MXI1: variants seen among roughly 807,000 people sequenced by gnomAD.
MXI1 encodes max-interacting protein 1.
In MXI1, 18 loss-of-function variants were observed where a neutral mutation model predicts 36.9. That is an observed-to-expected ratio of 0.49 (90% CI 0.34 to 0.72). The LOEUF is 0.72. Ranked by LOEUF, MXI1 falls within the 30% of genes least tolerant of loss-of-function variation. MXI1 has a pLI of 0.01. For synonymous variants in MXI1, 160 were observed against 146.7 expected (o/e 1.09, Z -0.65); for missense variants, 304 against 379.1 (o/e 0.80, Z 1.64).
chr10:110,269,695 AG>A (rs1478927268), intron 3 of MXI1, among the ~76,000 whole-genome samples: 1 of 152,216 alleles, frequency 6.6e-6, no homozygotes, highest in African/African-American at 2.4e-5. Flanking sequence ...GCCAGCACGT[AG>A]GAAGTTTGTT....
rs961902137 is a variant in MXI1, at chr10:110,210,239, G to A, written c.274+2157G>A. 1.0e-5 allele frequency: 10 copies of A among 984,874 alleles called. No homozygotes were observed. The Admixed American group carries it at 5.5e-4, about 55-fold the overall frequency. 61.0% of individuals were successfully genotyped at this position (984,874 alleles called of 1,614,324 possible). The stretch of plus-strand genomic sequence containing the variant: ...GGGGCTTCCTCCCAGCCCATCGCCC[G>A]AGGCGTCCGCCCTGCAAATCTGCCA... On this transcript the variant is annotated intron_variant, in intron 1 of 5. Transcript: ENST00000332674.
rs1857427222 is a variant in MXI1 at position 110,286,465 on chromosome 10, T to C, written c.*1478T>C. The C allele has an allele frequency of 1.4e-5, 2 of 145,946 alleles. No individual in the cohort carries two copies. Among genetic ancestry groups the C allele is most frequent in the Admixed American group, 7.0e-5 (1 of 14,240 alleles). The allele number at this position is 145,946 out of a possible 1,614,324, so 9.0% of individuals were successfully genotyped here. A position where few individuals can be genotyped will look rare whatever the true frequency, so the allele number is the denominator to read the frequency against. On this transcript the variant is annotated 3_prime_UTR_variant, in exon 6 of 6. Transcript: ENST00000332674. Reference sequence around the variant, plus strand: ...CTGGCTGTTTGGACTTTGTATACTTTAAATAATTTAACTACCCTTAATTAC... The same window carrying C: ...CTGGCTGTTTGGACTTTGTATACTTCAAATAATTTAACTACCCTTAATTAC...
chr10:110,258,662 C>T (rs1012205797), intron 3 of MXI1, among the ~76,000 whole-genome samples: 4 of 151,964 alleles, frequency 2.6e-5, no homozygotes, highest in African/African-American at 9.7e-5. Context: ...GAGATAGGCA[C>T]CTGTTAGAGT....
intron 1 of MXI1, among the ~76,000 whole-genome samples, chr10:110,211,047 G>A (rs1411097851): frequency 1.3e-5 from 2 of 151,596 alleles, no homozygotes; most frequent in Non-Finnish European, 2.9e-5. Flanking sequence ...TATTGGGGGT[G>A]GGGTTGGGTA....
chr10:110,215,338 T>G (rs1854611593), intron 1 of MXI1, among the ~76,000 whole-genome samples: 1 of 151,980 alleles, frequency 6.6e-6, no homozygotes, highest in Non-Finnish European at 1.5e-5. Flanking sequence ...CCACACTGGG[T>G]CCAGGTTTTG....
At chr10:110,253,566 A>C (rs1003158915) in intron 3 of MXI1, among the ~76,000 whole-genome samples, 12 of 152,162 alleles carry the variant, frequency 7.9e-5, no homozygotes. Context: ...GAAAGAAACA[A>C]CATTGGTTTG....
chr10:110,233,700 T>A (rs887384833), intron 2 of MXI1, among the ~76,000 whole-genome samples: 2 of 152,118 alleles, frequency 1.3e-5, no homozygotes, highest in African/African-American at 2.4e-5. Context: ...ATGTGTTTTG[T>A]GATAGTCTGT....
chr10:110,251,316 GT>G (rs1477207060), intron 3 of MXI1, among the ~76,000 whole-genome samples: 1 of 152,068 alleles, frequency 6.6e-6, no homozygotes, highest in African/African-American at 2.4e-5. Context: ...GAGAGTTACG[GT>G]TAATATCAAT....
intron 5 of MXI1, 57 bp downstream of exon 5, chr10:110,280,142 G>A: frequency 2.8e-6 from 4 of 1,453,268 alleles, no homozygotes; most frequent in Non-Finnish European, 3.7e-6. Context: ...TCTGGATTTA[G>A]GGAAGGTATG....
At chr10:110,277,619 ATTGATATACCT>A (rs1857081940) in intron 3 of MXI1, among the ~76,000 whole-genome samples, 1 of 152,224 alleles carries the variant, frequency 6.6e-6, no homozygotes, top group African/African-American at 2.4e-5. Flanking sequence ...AGGAGAATCC[ATTGATATACCT>A]TTGATTTAGG....
chr10:110,248,910 G>C (rs574609159), intron 3 of MXI1, among the ~76,000 whole-genome samples: 2 of 152,142 alleles, frequency 1.3e-5, no homozygotes, highest in Admixed American at 6.5e-5. Flanking sequence ...CTTCTGGGAA[G>C]TTACCAGTGG....
chr10:110,238,865 A>G (rs566135512), intron 2 of MXI1, among the ~76,000 whole-genome samples: 1 of 152,182 alleles, frequency 6.6e-6, no homozygotes, highest in Non-Finnish European at 1.5e-5. Context: ...TTATTGGCAT[A>G]AAGTTGTTAA....
At chr10:110,237,899 C>T (rs894211423) in intron 2 of MXI1, among the ~76,000 whole-genome samples, 1 of 152,176 alleles carries the variant, frequency 6.6e-6, no homozygotes, top group African/African-American at 2.4e-5. Context: ...GCCTCAGCCT[C>T]TCAAGTAGCT....
intron 2 of MXI1, 148 bp from the exon 3 acceptor site, chr10:110,244,680 C>T: frequency 1.7e-6 from 1 of 589,082 alleles, no homozygotes; most frequent in Non-Finnish European, 3.0e-6. Flanking sequence ...TAGACTATTT[C>T]CTCTCGATGA....
At chr10:110,226,180 G>T in intron 1 of MXI1, 4 of 1,462,062 alleles carry the variant, frequency 2.7e-6, no homozygotes, top group Non-Finnish European at 3.6e-6. Flanking sequence ...AAGGGAGTGC[G>T]GAGAGGCGCC....
chr10:110,249,814 G>A (rs1856008025), intron 3 of MXI1, among the ~76,000 whole-genome samples: 1 of 152,164 alleles, frequency 6.6e-6, no homozygotes, highest in South Asian at 2.1e-4. Context: ...AAGCTTCTCT[G>A]AGTTATGATA....
chr10:110,213,952 A>G (rs1351065987), intron 1 of MXI1, among the ~76,000 whole-genome samples: 1 of 152,256 alleles, frequency 6.6e-6, no homozygotes, highest in Non-Finnish European at 1.5e-5. Flanking sequence ...GTATGGGGCT[A>G]TGCATTCATT....
intron 1 of MXI1, among the ~76,000 whole-genome samples, chr10:110,210,059 C>T (rs926661450): frequency 2.8e-5 from 4 of 143,700 alleles, no homozygotes; most frequent in Admixed American, 2.0e-4. Flanking sequence ...CACCCCGCCG[C>T]CCTGGCCGCC....
chr10:110,231,371 C>CG (rs1374069735), intron 2 of MXI1, among the ~76,000 whole-genome samples: 3 of 149,506 alleles, frequency 2.0e-5, no homozygotes, highest in Admixed American at 1.3e-4. Flanking sequence ...CACCCCCCCC[C>CG]CCTCAAAAAA....
Sources: gnomAD v4.1 joint callset for allele counts (sites outside exome capture counted in the v4.1 genomes callset) on GRCh38, gnomAD v4.1.1 for gene constraint, MANE v1.5 for transcripts, NCBI Gene and HGNC (gene_info 2026-07-23, HGNC 2026-07-21) for gene names.